KDM7A: variants seen among roughly 807,000 people sequenced by gnomAD.
KDM7A encodes the protein lysine demethylase 7A.
A neutral mutation model predicts 114.8 loss-of-function variants in KDM7A; 28 were observed. The observed-to-expected ratio is 0.24, with a 90% CI of 0.18 to 0.33. The LOEUF (loss-of-function observed/expected upper bound fraction) is 0.33. Ranked by LOEUF, KDM7A falls within the 10% of genes least tolerant of loss-of-function variation. The probability of loss-of-function intolerance (pLI) is 1.00; values close to 1 mark genes in which losing one functional copy is unlikely to be tolerated. For missense variants in KDM7A, 942 were observed against 1,142.5 expected (o/e 0.82, Z 2.53); for synonymous variants, 423 against 397.8 (o/e 1.06, Z -0.75).
chr7:140,100,715 T>TACACAC (rs1562946068), intron 12 of KDM7A, among the ~76,000 whole-genome samples: 1 of 49,074 alleles, frequency 2.0e-5, no homozygotes, highest in Non-Finnish European at 4.4e-5. Flanking sequence ...TATACACATA[T>TACACAC]ATATATATAT....
At chr7:140,099,464 C>T (rs908574221) in intron 13 of KDM7A, among the ~76,000 whole-genome samples, 4 of 152,128 alleles carry the variant, frequency 2.6e-5, no homozygotes, top group Non-Finnish European at 4.4e-5. Flanking sequence ...CCCAAATCAA[C>T]TTGGGATTAC....
At chr7:140,154,854 ATT>A (rs1268308716) in intron 1 of KDM7A, among the ~76,000 whole-genome samples, 1 of 152,022 alleles carries the variant, frequency 6.6e-6, no homozygotes, top group African/African-American at 2.4e-5. Context: ...TTTATTATAA[ATT>A]TGTTTTTATA....
chr7:140,100,681 C>CACATATATATATATATATAT lies in KDM7A; in HGVS notation c.1639-659_1639-658insATATATATATATATATATGT, dbSNP rs1554395402. On this transcript the variant is annotated intron_variant, in intron 12 of 19. Coordinates refer to ENST00000397560, the MANE Select transcript of KDM7A (RefSeq NM_030647.2). ...AAAGTTATATATATATATATATATA[C>CACATATATATATATATATAT]ATATATACATATATATATATATATA... Among the ~76,000 whole-genome samples the CACATATATATATATATATAT allele has an allele frequency of 3.8e-4, 17 of 44,338 alleles. 1 individual carries two copies. Among genetic ancestry groups the CACATATATATATATATATAT allele is most frequent in the South Asian group, 1.9e-3 (3 of 1,614 alleles). 29.1% of individuals were successfully genotyped at this position (44,338 alleles called of 152,430 possible).
intron 11 of KDM7A, among the ~76,000 whole-genome samples, chr7:140,106,249 T>A (rs550126987): frequency 6.6e-6 from 1 of 152,172 alleles, no homozygotes; most frequent in Non-Finnish European, 1.5e-5. Context: ...CCTAGATTCA[T>A]TGATTTTTTT....
intron 12 of KDM7A, 50 bp from the exon 13 acceptor site, chr7:140,100,073 T>C (rs1188341643): frequency 1.2e-6 from 2 of 1,603,306 alleles, no homozygotes; most frequent in Admixed American, 1.7e-5. Context: ...CAGGTAGCCC[T>C]GTTCGACTGA....
At chr7:140,136,949 T>C (rs926174595) in intron 2 of KDM7A, among the ~76,000 whole-genome samples, 1 of 151,144 alleles carries the variant, frequency 6.6e-6, no homozygotes, top group Non-Finnish European at 1.5e-5. Context: ...ACTGTGCCAC[T>C]GCACTCCAGC....
chr7:140,149,636 A>C (rs910776132), intron 1 of KDM7A, among the ~76,000 whole-genome samples: 4 of 152,238 alleles, frequency 2.6e-5, no homozygotes, highest in African/African-American at 7.2e-5. Flanking sequence ...CACAGACTAA[A>C]GAAATTAGGA....
chr7:140,130,209 T>C (rs1183995613), intron 3 of KDM7A, among the ~76,000 whole-genome samples: 1 of 152,236 alleles, frequency 6.6e-6, no homozygotes. Context: ...AATAATAGGA[T>C]GCTTACAACT....
intron 1 of KDM7A, among the ~76,000 whole-genome samples, chr7:140,145,018 T>G (rs1428267328): frequency 6.6e-6 from 1 of 152,214 alleles, no homozygotes; most frequent in Non-Finnish European, 1.5e-5. Flanking sequence ...TGTACAGCCA[T>G]AGAACCATGA....
rs1226997894 is a variant in KDM7A at position 140,090,418 on chromosome 7, A to C, written c.*676T>G. 6.6e-6 allele frequency: 1 copy of C among 152,236 alleles called. No individual in the cohort carries two copies. The highest frequency in any genetic ancestry group is 1.5e-5 in the Non-Finnish European group (1 of 68,052). The allele number at this position is 152,236 out of a possible 1,614,324, so 9.4% of individuals were successfully genotyped here. A position where few individuals can be genotyped will look rare whatever the true frequency, so the allele number is the denominator to read the frequency against. Reference sequence around the variant, plus strand: ...GGATATAAGGTAATCAACCTGGATAACAGTATGCACCTTGGATGTTAGCAA... The same window carrying C: ...GGATATAAGGTAATCAACCTGGATACCAGTATGCACCTTGGATGTTAGCAA... On this transcript the variant is annotated 3_prime_UTR_variant, in exon 20 of 20. Transcript: ENST00000397560.
chr7:140,142,383 A>T (rs1794293749), intron 1 of KDM7A, among the ~76,000 whole-genome samples: 1 of 151,638 alleles, frequency 6.6e-6, no homozygotes, highest in African/African-American at 2.4e-5. Context: ...CCACCAAAGG[A>T]ATTATACCCA....
At chr7:140,161,526 T>A (rs1585166919) in intron 1 of KDM7A, among the ~76,000 whole-genome samples, 1 of 152,186 alleles carries the variant, frequency 6.6e-6, no homozygotes, top group East Asian at 1.9e-4. Flanking sequence ...TTTTTTAGTT[T>A]TGTTTTTTCG....
intron 11 of KDM7A, 143 bp downstream of exon 11, chr7:140,110,952 C>A (rs1446098802): frequency 4.2e-6 from 2 of 479,968 alleles, no homozygotes; most frequent in African/African-American, 4.0e-5. Context: ...GCCTGAAAAC[C>A]TGAGAAACCT....
intron 17 of KDM7A, among the ~76,000 whole-genome samples, chr7:140,094,498 C>T (rs1409579843): frequency 6.6e-6 from 1 of 151,344 alleles, no homozygotes; most frequent in Non-Finnish European, 1.5e-5. Flanking sequence ...GAGTGAGACT[C>T]CATCTTGGGG....
At chr7:140,104,119 G>A (rs1404405924) in intron 11 of KDM7A, among the ~76,000 whole-genome samples, 1 of 152,196 alleles carries the variant, frequency 6.6e-6, no homozygotes, top group Non-Finnish European at 1.5e-5. Flanking sequence ...CTTTTGAGAA[G>A]TGTCTGTTCC....
At chr7:140,168,368 C>T (rs1397340272) in intron 1 of KDM7A, among the ~76,000 whole-genome samples, 1 of 152,012 alleles carries the variant, frequency 6.6e-6, no homozygotes, top group East Asian at 1.9e-4. Flanking sequence ...GAGTTCAAGA[C>T]CAGCCTGACC....
intron 1 of KDM7A, among the ~76,000 whole-genome samples, chr7:140,153,829 G>A (rs937274008): frequency 1.3e-5 from 2 of 152,164 alleles, no homozygotes; most frequent in Non-Finnish European, 2.9e-5. Context: ...TTTACTTCCA[G>A]AGTTATCATT....
At chr7:140,127,239 C>CA (rs1425162010) in intron 5 of KDM7A, among the ~76,000 whole-genome samples, 3 of 152,238 alleles carry the variant, frequency 2.0e-5, no homozygotes, top group Non-Finnish European at 4.4e-5. Flanking sequence ...GGGATTAAGG[C>CA]ATAAGCCACT....
chr7:140,169,083 T>C (rs1794609854), intron 1 of KDM7A, among the ~76,000 whole-genome samples: 1 of 152,176 alleles, frequency 6.6e-6, no homozygotes, highest in Non-Finnish European at 1.5e-5. Flanking sequence ...ATACCAGACC[T>C]TGGTTTCTAA....
Sources: allele counts gnomAD v4.1 joint callset (sites outside exome capture counted in the v4.1 genomes callset), GRCh38; gene constraint gnomAD v4.1.1; transcripts MANE v1.5; gene names NCBI Gene and HGNC (gene_info 2026-07-23, HGNC 2026-07-21).